The following CRYZL1 variants were observed in gnomAD, a reference collection of about 807,000 sequenced individuals.
The protein encoded by CRYZL1 is ferry endosomal RAB5 effector complex subunit 4.
Under a neutral mutation model 50.6 loss-of-function variants are expected in CRYZL1, and 34 were observed. That is an observed-to-expected ratio of 0.67 (90% CI 0.51 to 0.89). The LOEUF (loss-of-function observed/expected upper bound fraction) is 0.89. Ranked by LOEUF, CRYZL1 falls within the 40% of genes least tolerant of loss-of-function variation. CRYZL1 has a pLI of 0.00. For missense variants in CRYZL1, 354 were observed against 402.3 expected, an observed-to-expected ratio of 0.88 and a Z score of 1.03; for synonymous variants, 125 against 134.3, an observed-to-expected ratio of 0.93 and a Z score of 0.48.
chr21:33,591,080 A>G, intron 12 of CRYZL1, 82 bp downstream of exon 12: 2 of 998,132 alleles, frequency 2.0e-6, no homozygotes, highest in Non-Finnish European at 3.2e-6. Flanking sequence ...GGCGAGAGCT[A>G]AAACAAAAGT....
At chr21:33,619,141 GT>G (rs2086967975) in intron 4 of CRYZL1, among the ~76,000 whole-genome samples, 1 of 152,082 alleles carries the variant, frequency 6.6e-6, no homozygotes, top group Non-Finnish European at 1.5e-5. Flanking sequence ...TCAAATGTTG[GT>G]TCCAATTCAA....
chr21:33,626,049 G>A (rs907330993), intron 2 of CRYZL1, among the ~76,000 whole-genome samples: 14 of 151,766 alleles, frequency 9.2e-5, no homozygotes, highest in Admixed American at 7.9e-4. Flanking sequence ...TGCCTCCCGA[G>A]TTCAAGTGAT....
chr21:33,597,233 T>G lies in CRYZL1; in HGVS notation c.798+47A>C, dbSNP rs141329340. 7.6e-4 allele frequency: 1,205 copies of G among 1,585,918 alleles called. 9 individuals are homozygous for G. The African/African-American group carries it at 0.015, about 19-fold the overall frequency. ...AACTTAGGCATTATTGTTTGTTAAT[T>G]ACACCCCTTTGGTGTAATGGTAACG... On this transcript the variant is annotated intron_variant, in intron 10 of 12. Coordinates refer to ENST00000381554, the MANE Select transcript of CRYZL1 (RefSeq NM_145858.3).
intron 2 of CRYZL1, among the ~76,000 whole-genome samples, chr21:33,626,342 G>A (rs182484416): frequency 2.0e-4 from 31 of 152,226 alleles, no homozygotes; most frequent in Admixed American, 2.0e-3. Flanking sequence ...ATGGGATTCT[G>A]GGCTCAACAT....
At chr21:33,593,804 G>C (rs1337166508) in intron 11 of CRYZL1, among the ~76,000 whole-genome samples, 1 of 151,822 alleles carries the variant, frequency 6.6e-6, no homozygotes, top group Non-Finnish European at 1.5e-5. Flanking sequence ...CCAACATGGT[G>C]AAACTCCGTC....
At chr21:33,595,134 AT>A in intron 11 of CRYZL1, 1 of 1,048,362 alleles carries the variant, frequency 9.5e-7, no homozygotes, top group Non-Finnish European at 1.2e-6. Flanking sequence ...TTGTTTGTAT[AT>A]TCCAAACTTT....
chr21:33,599,749 A>C (rs2086730996), intron 8 of CRYZL1, among the ~76,000 whole-genome samples: 1 of 151,814 alleles, frequency 6.6e-6, no homozygotes, highest in Non-Finnish European at 1.5e-5. Flanking sequence ...CTCCTGCCCT[A>C]GCCTCCCAAG....
intron 8 of CRYZL1, among the ~76,000 whole-genome samples, chr21:33,600,960 G>A (rs1375657769): frequency 2.6e-4 from 4 of 15,668 alleles, no homozygotes; most frequent in South Asian, 3.9e-3. Context: ...TTTTGGGGGC[G>A]GACTGTCGCT....
At chr21:33,623,725 G>A (rs549074643) in intron 3 of CRYZL1, among the ~76,000 whole-genome samples, 3 of 152,170 alleles carry the variant, frequency 2.0e-5, no homozygotes, top group South Asian at 2.1e-4. Context: ...AATAAGTTAC[G>A]GGTCATGTAA....
chr21:33,625,267 T>C (rs373045510), intron 2 of CRYZL1, among the ~76,000 whole-genome samples: 2 of 152,090 alleles, frequency 1.3e-5, no homozygotes, highest in East Asian at 1.9e-4. Context: ...GCCATTCTCC[T>C]GCCTCAGCCT....
chr21:33,600,811 A>G (rs13046110), intron 8 of CRYZL1, among the ~76,000 whole-genome samples: 151,060 of 151,060 alleles, frequency 1, 75,530 homozygotes, highest in Non-Finnish European at 1. Flanking sequence ...TGTATTTTTA[A>G]TAGAGACAGG....
chr21:33,632,905 T>C (rs1458693468), intron 1 of CRYZL1, among the ~76,000 whole-genome samples: 2 of 152,172 alleles, frequency 1.3e-5, no homozygotes, highest in Non-Finnish European at 2.9e-5. Flanking sequence ...TGTGTCCCCT[T>C]CTCCTCCTAA....
chr21:33,621,103 C>T (rs1256695651), intron 4 of CRYZL1, among the ~76,000 whole-genome samples: 3 of 148,754 alleles, frequency 2.0e-5, no homozygotes, highest in Non-Finnish European at 4.5e-5. Flanking sequence ...GACAGGGTTT[C>T]ACCGTGTTAG....
intron 1 of CRYZL1, among the ~76,000 whole-genome samples, chr21:33,634,890 T>C (rs1470282774): frequency 6.7e-6 from 1 of 149,434 alleles, no homozygotes. Flanking sequence ...AATATATATA[T>C]ATATATATAT....
chr21:33,619,142 T>C (rs570344853), intron 4 of CRYZL1, among the ~76,000 whole-genome samples: 2 of 152,318 alleles, frequency 1.3e-5, no homozygotes, highest in South Asian at 4.1e-4. Flanking sequence ...CAAATGTTGG[T>C]TCCAATTCAA....
At chr21:33,606,953 G>C (rs1024559442) in intron 6 of CRYZL1, among the ~76,000 whole-genome samples, 2 of 152,184 alleles carry the variant, frequency 1.3e-5, no homozygotes, top group Admixed American at 6.5e-5. Context: ...AGAGGTTGCA[G>C]TGAGCTGAGA....
At chr21:33,616,455 G>C (rs2086933396) in intron 5 of CRYZL1, 1 of 409,068 alleles carries the variant, frequency 2.4e-6, no homozygotes, top group African/African-American at 2.1e-5. Context: ...ACCATGCCTG[G>C]CTAATTTTGT....
intron 6 of CRYZL1, among the ~76,000 whole-genome samples, chr21:33,610,884 A>G (rs1391322541): frequency 6.8e-6 from 1 of 146,822 alleles, no homozygotes; most frequent in African/African-American, 2.5e-5. Context: ...GGCGCCCACG[A>G]CCATGCCCGG....
At chr21:33,619,607 C>G (rs1601342037) in intron 4 of CRYZL1, among the ~76,000 whole-genome samples, 1 of 151,766 alleles carries the variant, frequency 6.6e-6, no homozygotes, top group South Asian at 2.1e-4. Flanking sequence ...TCTGTTGGCT[C>G]AAACTCCTGT....
Sources: allele counts gnomAD v4.1 joint callset (sites outside exome capture counted in the v4.1 genomes callset), GRCh38; gene constraint gnomAD v4.1.1; transcripts MANE v1.5; gene names NCBI Gene and HGNC (gene_info 2026-07-23, HGNC 2026-07-21).